UBE2C: variants seen among roughly 807,000 people sequenced by gnomAD.
The protein encoded by UBE2C is ubiquitin-conjugating enzyme E2 C.
In UBE2C, 16 loss-of-function variants were observed where a neutral mutation model predicts 23.5. That is an observed-to-expected ratio of 0.68 (90% CI 0.46 to 1.03). The LOEUF (loss-of-function observed/expected upper bound fraction) is 1.03, where lower values mean the gene tolerates loss of function less well. Ranked by LOEUF, UBE2C falls within the 50% of genes least tolerant of loss-of-function variation. The probability of loss-of-function intolerance (pLI) is 0.00; values close to 1 mark genes in which losing one functional copy is unlikely to be tolerated. For missense variants in UBE2C, 192 were observed against 227.6 expected (o/e 0.84, Z 1.01); for synonymous variants, 76 against 91.6 (o/e 0.83, Z 0.97).
At chr20:45,815,377 A>C (rs1449812297) in intron 3 of UBE2C, 164 bp from the exon 4 acceptor site, 26 of 1,577,952 alleles carry the variant, frequency 1.6e-5, no homozygotes, top group Non-Finnish European at 2.1e-5. Context: ...AACTAAAAAA[A>C]CTTTTTAAAA....
rs1982266830 is a variant in UBE2C at position 45,814,289 on chromosome 20, TATATATATATAA to T, written c.130-93_130-82del. 8 of 277,732 alleles carry T rather than the reference TATATATATATAA, an allele frequency of 2.9e-5. 1 individual carries two copies. Among genetic ancestry groups the T allele is most frequent in the Admixed American group, 1.2e-4 (2 of 17,312 alleles). The allele number at this position is 277,732 out of a possible 1,614,324, so 17.2% of individuals were successfully genotyped here. A position where few individuals can be genotyped will look rare whatever the true frequency, so the allele number is the denominator to read the frequency against. On this transcript the variant is annotated intron_variant, in intron 2 of 5. Transcript: ENST00000356455. ...ATGTGAGCATATATATATATATATATATATATATATAAAATTAAGGGGAAAGCTCACCCACTG... is the reference window on the plus strand; with the variant it reads ...ATGTGAGCATATATATATATATATATAATTAAGGGGAAAGCTCACCCACTG...
Position 45,815,731 on chromosome 20 carries a change from A to C in UBE2C, c.407A>C (p.Gln136Pro). The C allele has an allele frequency of 1.2e-6, 2 of 1,613,532 alleles. No individual in the cohort carries two copies. The highest frequency in any genetic ancestry group is 1.7e-6 in the Non-Finnish European group (2 of 1,179,646). ...GTCAGGACCATTCTGCTCTCCATCCAGAGCCTTCTAGGAGGTGACTTTAGA... is the reference window on the plus strand; with the variant it reads ...GTCAGGACCATTCTGCTCTCCATCCCGAGCCTTCTAGGAGGTGACTTTAGA... ...YDVRTILLSI[Q>P]SLLGEPNIDS... Residue 136 changes from glutamine (Q) to proline (P), a missense_variant, in exon 4 of 6, where the codon CAG (glutamine) becomes CCG (proline). Transcript: ENST00000356455.
chr20:45,813,181 G>C, intron 1 of UBE2C: 1 of 1,414,656 alleles, frequency 7.1e-7, no homozygotes, highest in East Asian at 2.6e-5. Flanking sequence ...AGTTGAGTCG[G>C]GCAAGGAAGA....
chr20:45,816,573 G>A, intron 5 of UBE2C, 136 bp from the exon 6 acceptor site: 2 of 689,664 alleles, frequency 2.9e-6, no homozygotes, highest in Non-Finnish European at 5.0e-6. Context: ...GGAAGCAGAG[G>A]TTGCAGTGAG....
intron 2 of UBE2C, among the ~76,000 whole-genome samples, 200 bp downstream of exon 2, chr20:45,813,664 A>T (rs1199866020): frequency 1.3e-5 from 2 of 151,996 alleles, no homozygotes; most frequent in Non-Finnish European, 2.9e-5. Context: ...TATCTCGAAC[A>T]CTTCCCTGAA....
rs995344489 is a variant in UBE2C at position 45,812,693 on chromosome 20, C to T, written c.-3C>T. The stretch of plus-strand genomic sequence containing the variant: ...TTCCTGTCTCTCTGCCAACGCCGCC[C>T]GGATGGCTTCCCAAAACCGCGACCC... On this transcript the variant is annotated 5_prime_UTR_variant, in exon 1 of 6. Transcript: ENST00000356455. 9 of 1,551,096 alleles carry T rather than the reference C, an allele frequency of 5.8e-6. No homozygotes were observed. Among genetic ancestry groups the T allele is most frequent in the Middle Eastern group, 1.7e-4 (1 of 5,976 alleles).
chr20:45,812,958 C>T (rs1568713531), intron 1 of UBE2C, 162 bp downstream of exon 1: 4 of 1,432,216 alleles, frequency 2.8e-6, no homozygotes, highest in South Asian at 1.5e-5. Flanking sequence ...TTCCCCTGGG[C>T]ATGGGTGTCG....
intron 5 of UBE2C, 88 bp downstream of exon 5, chr20:45,816,001 C>T (rs1173010170): frequency 2.0e-5 from 30 of 1,497,944 alleles, no homozygotes; most frequent in Non-Finnish European, 2.4e-5. Flanking sequence ...GACTTGGGAC[C>T]GGGTTGGTTG....
In UBE2C at chr20:45,816,825, TC is replaced by T. The variant is rs1397577373; in HGVS notation, c.*60del. The T allele has an allele frequency of 6.7e-7, 1 of 1,494,086 alleles. No homozygotes were observed. Among genetic ancestry groups the T allele is most frequent in the Admixed American group, 1.9e-5 (1 of 52,254 alleles). 92.6% of individuals were successfully genotyped at this position (1,494,086 alleles called of 1,614,324 possible). Reference sequence around the variant, plus strand: ...TTTTAATTTTTCCTTAGATGGTCTGTCCTTTTTGTGATTTCTGTATAGGACT... The same window carrying T: ...TTTTAATTTTTCCTTAGATGGTCTGTCTTTTTGTGATTTCTGTATAGGACT... On this transcript the variant is annotated 3_prime_UTR_variant, in exon 6 of 6. Transcript: ENST00000356455.
rs747157804 is a variant in UBE2C, at chr20:45,815,891, C to G, written c.459C>G (p.Ala153=). 1.2e-6 allele frequency: 2 copies of G among 1,613,902 alleles called. No individual in the cohort carries two copies. Among genetic ancestry groups the G allele is most frequent in the Admixed American group, 1.7e-5 (1 of 59,974 alleles). The change falls in exon 5 of 6, where the codon GCC becomes GCG. Residue 153 remains alanine (A), a synonymous_variant. Coordinates refer to ENST00000356455, the MANE Select transcript of UBE2C (RefSeq NM_007019.4). ...ATAGTCCCTTGAACACACATGCTGC[C>G]GAGCTCTGGAAAAACCCCACAGGTG... is the stretch of plus-strand genomic sequence containing the variant. The part of the protein sequence containing the change: ...NIDSPLNTHA[A]ELWKNPTAFK...
intron 2 of UBE2C, among the ~76,000 whole-genome samples, 157 bp from the exon 3 acceptor site, chr20:45,814,227 T>C (rs1982239993): frequency 6.8e-6 from 1 of 147,146 alleles, no homozygotes; most frequent in Admixed American, 6.7e-5. Context: ...TACACATATA[T>C]ATGTGTGTGT....
In UBE2C at chr20:45,815,681, G is replaced by A; in HGVS notation, c.357G>A (p.Lys119=). Residue 119 remains lysine, a synonymous_variant, in exon 4 of 6, where the codon AAG becomes AAA. Coordinates refer to ENST00000356455, the MANE Select transcript of UBE2C (RefSeq NM_007019.4). ...TQGNICLDIL[K]EKWSALYDVR... The stretch of plus-strand genomic sequence containing the variant: ...GTAACATATGCCTGGACATCCTGAA[G>A]GAAAAGTGGTCTGCCCTGTATGATG... 6.2e-7 allele frequency: 1 copy of A among 1,614,142 alleles called. No homozygotes were observed. The highest frequency in any genetic ancestry group is 1.7e-5 in the Admixed American group (1 of 60,020).
At chr20:45,814,550 C>T (rs1982303975) in intron 3 of UBE2C, 80 bp downstream of exon 3, 2 of 1,178,156 alleles carry the variant, frequency 1.7e-6, no homozygotes, top group African/African-American at 3.1e-5. Context: ...TGCTTCAAGC[C>T]TTTGGCGGAG....
intron 5 of UBE2C, among the ~76,000 whole-genome samples, 185 bp from the exon 6 acceptor site, chr20:45,816,524 C>T (rs891570334): frequency 6.6e-6 from 1 of 152,196 alleles, no homozygotes; most frequent in Admixed American, 6.5e-5. Flanking sequence ...GTAGTCCCAG[C>T]TACTCAGGAG....
intron 2 of UBE2C, among the ~76,000 whole-genome samples, chr20:45,813,980 C>T (rs1262185217): frequency 6.6e-6 from 1 of 151,762 alleles, no homozygotes; most frequent in Non-Finnish European, 1.5e-5. Context: ...TGGTGCATGC[C>T]TGTAATTTCA....
At chr20:45,813,209 A>C in intron 1 of UBE2C, 1 of 1,439,526 alleles carries the variant, frequency 6.9e-7, no homozygotes. Flanking sequence ...AAGCCTGGGG[A>C]ATTAAGAACA....
intron 1 of UBE2C, 28 bp downstream of exon 1, chr20:45,812,824 G>A: frequency 6.5e-7 from 1 of 1,544,488 alleles, no homozygotes; most frequent in Non-Finnish European, 8.7e-7. Flanking sequence ...CCACTCGCCG[G>A]GCCTGCCATG....
At chr20:45,815,089 G>A (rs372302125) in intron 3 of UBE2C, among the ~76,000 whole-genome samples, 24 of 151,488 alleles carry the variant, frequency 1.6e-4, no homozygotes, top group East Asian at 1.6e-3. Context: ...CACCCGCCTC[G>A]GCCTCCCAAA....
At chr20:45,813,528 G>T (rs1286923620) in intron 2 of UBE2C, 64 bp downstream of exon 2, 1 of 1,610,684 alleles carries the variant, frequency 6.2e-7, no homozygotes. Flanking sequence ...CCTTTTTTCC[G>T]TCAGCTTTTT....
Sources: gnomAD v4.1 joint callset for allele counts (sites outside exome capture counted in the v4.1 genomes callset) on GRCh38, gnomAD v4.1.1 for gene constraint, MANE v1.5 for transcripts, NCBI Gene and HGNC (gene_info 2026-07-23, HGNC 2026-07-21) for gene names.